Variants in MUC5B observed in about 807,000 individuals in gnomAD.
MUC5B encodes the protein mucin 5B, oligomeric mucus/gel-forming, also known as mucin-5B.
A neutral mutation model predicts 376.9 loss-of-function variants in MUC5B; 116 were observed. The observed-to-expected ratio is 0.31, with a 90% confidence interval of 0.26 to 0.36. The LOEUF is 0.36. Ranked by LOEUF, MUC5B falls within the 10% of genes least tolerant of loss-of-function variation. The probability of loss-of-function intolerance (pLI) is 1.00; values close to 1 mark genes in which losing one functional copy is unlikely to be tolerated. For missense variants in MUC5B, 7,165 were observed against 7,769.9 expected (o/e 0.92, Z 2.93); for synonymous variants, 3,517 against 3,390.9 (o/e 1.04, Z -1.29).
rs774536944 is a variant in MUC5B at position 1,257,617 on chromosome 11, G to T, written c.16357G>T (p.Ala5453Ser). 4.4e-6 allele frequency: 7 copies of T among 1,603,338 alleles called. No homozygotes were observed. Among genetic ancestry groups the T allele is most frequent in the Non-Finnish European group, 5.9e-6 (7 of 1,179,382 alleles). ...GCAGTGCAAGCCCCTGCCCTGTGAC[G>T]CCCAGGGTCAGCCCCCGCCGTGCAA... ...SVQCKPLPCD[A>S]QGQPPPCNRP... The change falls in exon 41 of 49, where the codon GCC becomes TCC. Residue 5453 changes from alanine (A) to serine (S), a missense_variant. Ala to Ser is a moderately conservative substitution (Grantham distance 99). Transcript: ENST00000529681. This position sits in a 1 kb window ranked among gnomAD's most constrained non-coding sequence, Gnocchi z 8.9.
At chr11:1,224,133 C>T (rs950350958) in intron 1 of MUC5B, among the ~76,000 whole-genome samples, 1 of 152,202 alleles carries the variant, frequency 6.6e-6, no homozygotes, top group South Asian at 2.1e-4. Context: ...CTGATTCTTC[C>T]GGGCCATGCA....
At position 1,234,576 on chromosome 11, in the gene MUC5B, G is replaced by A; in HGVS notation, c.2526G>A (p.Val842=). 1 of 1,579,886 alleles carries A rather than the reference G, an allele frequency of 6.3e-7. No homozygotes were observed. The highest frequency in any genetic ancestry group is 1.2e-5 in the South Asian group (1 of 85,984). The change falls in exon 21 of 49, where the codon GTG becomes GTA. Residue 842 remains valine, a synonymous_variant. Transcript: ENST00000529681. This position sits in a 1 kb window ranked among gnomAD's most constrained non-coding sequence, Gnocchi z 6.3. ...GCTGTGTCTGTCCCCCGGGGCTGGT[G>A]TCGGATGGGAGTGGGGGCTGCATTG... ...VSGCVCPPGL[V]SDGSGGCIAE...
At position 1,232,812 on chromosome 11, in the gene MUC5B, G is replaced by T. The variant is rs771717529; in HGVS notation, c.2065+42G>T. 5.2e-6 allele frequency: 8 copies of T among 1,536,586 alleles called. No homozygotes were observed. The East Asian group carries it at 1.9e-4, about 36-fold the overall frequency. On this transcript the variant is annotated intron_variant, in intron 17 of 48. Coordinates refer to ENST00000529681, the MANE Select transcript of MUC5B (RefSeq NM_002458.3). ...GGGGTGGGATGTGTCCACACCGCGT[G>T]GGGGTGCGGGGGACCCTGGCCGGCA...
rs778026558 is a variant in MUC5B, at chr11:1,251,522, C to A, written c.14642C>A (p.Thr4881Asn). The change falls in exon 31 of 49, where the codon ACC (threonine) becomes AAC (asparagine). Residue 4881 changes from threonine to asparagine, a missense_variant. Physicochemically the swap from Thr to Asn is moderately conservative, Grantham distance 65. Coordinates refer to ENST00000529681, the MANE Select transcript of MUC5B (RefSeq NM_002458.3). ...LGTAHTPKVV[T>N]TMATMPTATA... ...ACAGCTCACACCCCCAAAGTGGTGA[C>A]CACCATGGCCACTATGCCCACAGCC... is the stretch of plus-strand genomic sequence containing the variant. 1.8e-5 allele frequency: 28 copies of A among 1,589,548 alleles called. No homozygotes were observed. Among genetic ancestry groups the A allele is most frequent in the Non-Finnish European group, 2.2e-5 (26 of 1,164,200 alleles).
rs1205296971 is a variant in MUC5B, at chr11:1,260,745, C to T, written c.17069+17C>T. On this transcript the variant is annotated intron_variant, in intron 48 of 48. Transcript: ENST00000529681. ...AGCGTCCAAGTGAGTGGGCTCCTGG[C>T]CCTGTGCCAAGAGCACCTGCGTGTG... The T allele has an allele frequency of 2.5e-6, 4 of 1,583,754 alleles. No homozygotes were observed. The highest frequency in any genetic ancestry group is 2.6e-6 in the Non-Finnish European group (3 of 1,159,646).
rs1255936192 is a variant in MUC5B, at chr11:1,258,568, G to T, written c.16593+201G>T. 6.6e-6 allele frequency among the ~76,000 whole-genome samples: 1 copy of T among 152,160 alleles called. No individual in the cohort carries two copies. Among genetic ancestry groups the T allele is most frequent in the East Asian group, 1.9e-4 (1 of 5,198 alleles). On this transcript the variant is annotated intron_variant, in intron 43 of 48. Transcript: ENST00000529681. This position sits in a 1 kb window ranked among gnomAD's most constrained non-coding sequence, Gnocchi z 5.5. ...GTCGACAGCCATGAGCTCCACAACT[G>T]CTGCCTCTGAGAGGTCCCTTCAGGG...
chr11:1,246,406 C>T lies in MUC5B; in HGVS notation c.9526C>T (p.Pro3176Ser), dbSNP rs1862469601. 1.4e-5 allele frequency: 22 copies of T among 1,613,006 alleles called. No individual in the cohort carries two copies. The highest frequency in any genetic ancestry group is 1.7e-5 in the Non-Finnish European group (20 of 1,179,652). The change falls in exon 31 of 49, where the codon CCC (proline) becomes TCC (serine). Residue 3176 changes from proline to serine, a missense_variant. Physicochemically the swap from Pro to Ser is moderately conservative, Grantham distance 74 (BLOSUM62 -1). Around this residue, in one of 31 missense-constraint regions of MUC5B, gnomAD observed 939 missense variants for 770.6 expected, o/e 1.22. Coordinates refer to ENST00000529681, the MANE Select transcript of MUC5B (RefSeq NM_002458.3). Reference protein sequence around the residue: ...EPSTTATVTVPTGSTATASST... With the variant: ...EPSTTATVTVSTGSTATASST... ...CAGCACTACAGCCACCGTGACGGTG[C>T]CCACCGGATCCACGGCCACCGCCTC...
At position 1,239,562 on chromosome 11, in the gene MUC5B, G is replaced by A. The variant is rs746735261; in HGVS notation, c.3579G>A (p.Leu1193=). 6.4e-7 allele frequency: 1 copy of A among 1,567,072 alleles called. No individual in the cohort carries two copies. Among genetic ancestry groups the A allele is most frequent in the Non-Finnish European group, 8.7e-7 (1 of 1,152,534 alleles). Residue 1193 remains leucine, a synonymous_variant, in exon 27 of 49, where the codon CTG becomes CTA. Coordinates refer to ENST00000529681, the MANE Select transcript of MUC5B (RefSeq NM_002458.3). Reference sequence around the variant, plus strand: ...ACTGCCTGGTGGACCTGCCTGGCCTGGAAGGTGAGGGGCAGCCTTTCTTGG... The same window carrying A: ...ACTGCCTGGTGGACCTGCCTGGCCTAGAAGGTGAGGGGCAGCCTTTCTTGG... ...SGHCLVDLPG[L]EGCYPKCPPS...
Position 1,246,488 on chromosome 11 carries a change from C to G in MUC5B, c.9608C>G (p.Pro3203Arg). Reference protein sequence around the residue: ...LKVLTSTATTPTVISSRATPS... With the variant: ...LKVLTSTATTRTVISSRATPS... Reference sequence around the variant, plus strand: ...GTGCTGACCAGCACGGCCACCACACCCACAGTCATCAGCTCCAGAGCCACT... The same window carrying G: ...GTGCTGACCAGCACGGCCACCACACGCACAGTCATCAGCTCCAGAGCCACT... Residue 3203 changes from proline (P) to arginine (R), a missense_variant, in exon 31 of 49, where the codon CCC becomes CGC. This residue lies in a region of MUC5B where 939 missense variants were observed against 770.6 expected (regional missense o/e 1.22). Coordinates refer to ENST00000529681, the MANE Select transcript of MUC5B (RefSeq NM_002458.3). 6.2e-7 allele frequency: 1 copy of G among 1,613,416 alleles called. No homozygotes were observed. The highest frequency in any genetic ancestry group is 1.7e-5 in the Admixed American group (1 of 59,988).
In MUC5B at chr11:1,234,098, C is replaced by A; in HGVS notation, c.2378-107C>A. 1 of 971,766 alleles carries A rather than the reference C, an allele frequency of 1.0e-6. No homozygotes were observed. The highest frequency in any genetic ancestry group is 1.6e-6 in the Non-Finnish European group (1 of 633,844). The allele number at this position is 971,766 out of a possible 1,614,324, so 60.2% of individuals were successfully genotyped here. ...TGCAGGTGTCATGGAAGCTTTGGCT[C>A]GGGGGCTGTTAACTTGATCAGCAGG... On this transcript the variant is annotated intron_variant, in intron 19 of 48. Coordinates refer to ENST00000529681, the MANE Select transcript of MUC5B (RefSeq NM_002458.3). This position sits in a 1 kb window ranked among gnomAD's most constrained non-coding sequence, Gnocchi z 6.3.
At position 1,229,567 on chromosome 11, in the gene MUC5B, G is replaced by A. The variant is rs1037284112; in HGVS notation, c.1103-123G>A. On this transcript the variant is annotated intron_variant, in intron 9 of 48. Coordinates refer to ENST00000529681, the MANE Select transcript of MUC5B (RefSeq NM_002458.3). ...CATCCAAGCGAGTGCAGCTCAGGGC[G>A]GGGGCGGTGTCCTGGAGCAGGAATT... is the stretch of plus-strand genomic sequence containing the variant. 9.8e-5 allele frequency: 89 copies of A among 904,136 alleles called. 1 individual carries two copies. Among genetic ancestry groups the A allele is most frequent in the Middle Eastern group, 3.3e-4 (1 of 3,048 alleles). 56.0% of individuals were successfully genotyped at this position (904,136 alleles called of 1,614,324 possible).
chr11:1,229,765 C>T lies in MUC5B; in HGVS notation c.1178C>T (p.Thr393Ile), dbSNP rs1041182448. The change falls in exon 10 of 49, where the codon ACC becomes ATC. Residue 393 changes from threonine (T) to isoleucine (I), a missense_variant. Thr to Ile is a moderately conservative substitution (Grantham distance 89). Around this residue, in one of 31 missense-constraint regions of MUC5B, gnomAD observed 640 missense variants for 733.0 expected, o/e 0.87. Transcript: ENST00000529681. ...GQCPCTHGGRTYSPGTSFNTT... is the reference protein window; with the variant it reads ...GQCPCTHGGRIYSPGTSFNTT... ...TGCCCCTGCACCCACGGCGGCCGCA[C>T]CTACAGCCCGGGCACCTCCTTCAAC... 17 of 1,601,854 alleles carry T rather than the reference C, an allele frequency of 1.1e-5. No homozygotes were observed. The highest frequency in any genetic ancestry group is 1.4e-5 in the Non-Finnish European group (16 of 1,175,776).
chr11:1,256,483 T>G (rs1590192260), intron 38 of MUC5B, 188 bp from the exon 39 acceptor site: 17 of 45,224 alleles, frequency 3.8e-4, no homozygotes, highest in East Asian at 2.0e-3. Flanking sequence ...TCCCCGCCCA[T>G]ACTTAGCCCC....
rs1426805655 is a variant in MUC5B at position 1,253,808 on chromosome 11, C to T, written c.15218-284C>T. Among the ~76,000 whole-genome samples, 2 of 152,218 alleles carry T rather than the reference C, an allele frequency of 1.3e-5. No individual in the cohort carries two copies. The highest frequency in any genetic ancestry group is 2.9e-5 in the Non-Finnish European group (2 of 68,044). On this transcript the variant is annotated intron_variant, in intron 33 of 48. Coordinates refer to ENST00000529681, the MANE Select transcript of MUC5B (RefSeq NM_002458.3). The surrounding 1 kb of genome is among the most constrained non-coding windows in gnomAD (Gnocchi z 4.3). ...CTGGTCATTGGATTGAGGGCCCACCCAGCTAGTCCACGATGATGTCATTTC... is the reference window on the plus strand; with the variant it reads ...CTGGTCATTGGATTGAGGGCCCACCTAGCTAGTCCACGATGATGTCATTTC...
chr11:1,236,501 G>A lies in MUC5B; in HGVS notation c.2996G>A (p.Gly999Glu). Residue 999 changes from glycine (G) to glutamate (E), a missense_variant, in exon 24 of 49, where the codon GGG becomes GAG. Around this residue, in one of 31 missense-constraint regions of MUC5B, gnomAD observed 530 missense variants for 604.0 expected, o/e 0.88. Transcript: ENST00000529681. Reference protein sequence around the residue: ...MGIFLVIETHGMAVSWDRKTS... With the variant: ...MGIFLVIETHEMAVSWDRKTS... ...ATCTTCCTGGTCATCGAGACCCACG[G>A]GATGGCCGTGTCCTGGGACCGGAAG... 1.2e-6 allele frequency: 2 copies of A among 1,613,140 alleles called. No homozygotes were observed. The highest frequency in any genetic ancestry group is 1.7e-6 in the Non-Finnish European group (2 of 1,179,836).
chr11:1,260,646 A>G lies in MUC5B; in HGVS notation c.16987A>G (p.Asn5663Asp), dbSNP rs374469978. 5.0e-6 allele frequency: 8 copies of G among 1,612,596 alleles called. No individual in the cohort carries two copies. In the African/African-American group the frequency reaches 8.0e-5, roughly 16 times the overall value. Residue 5663 changes from asparagine (N) to aspartate (D), a missense_variant, in exon 48 of 49, where the codon AAC becomes GAC. Asn to Asp is a conservative substitution (Grantham distance 23). Coordinates refer to ENST00000529681, the MANE Select transcript of MUC5B (RefSeq NM_002458.3). The stretch of plus-strand genomic sequence containing the variant: ...CCCAGACTCCTGTCAAGTCCGCATC[A>G]ACACGACCATCCTGTGGCACCAGGG... ...CEEDSCQVRINTTILWHQGCE... is the reference protein window; with the variant it reads ...CEEDSCQVRIDTTILWHQGCE...
In MUC5B at chr11:1,256,752, C is replaced by T; in HGVS notation, c.16218C>T (p.Gly5406=). ...EDQILFNAHM[G]ICVQACPCVG... The stretch of plus-strand genomic sequence containing the variant: ...AGATCCTCTTCAACGCACACATGGG[C>T]ATCTGCGTGCAGGCCTGCCGTAAGC... The change falls in exon 39 of 49, where the codon GGC becomes GGT. Residue 5406 remains glycine (G), a synonymous_variant. Coordinates refer to ENST00000529681, the MANE Select transcript of MUC5B (RefSeq NM_002458.3). 1 of 1,542,544 alleles carries T rather than the reference C, an allele frequency of 6.5e-7. No homozygotes were observed. Among genetic ancestry groups the T allele is most frequent in the South Asian group, 1.2e-5 (1 of 82,584 alleles).
At chr11:1,255,357 T>G in intron 36 of MUC5B, 26 bp from the exon 37 acceptor site, 1 of 1,567,292 alleles carries the variant, frequency 6.4e-7, no homozygotes, top group Non-Finnish European at 8.7e-7. Context: ...CTGGGGGCCC[T>G]CCGTCCTGAT....
Position 1,239,466 on chromosome 11 carries a change from T to A in MUC5B, c.3483T>A (p.His1161Gln). The change falls in exon 27 of 49, where the codon CAT becomes CAA. Residue 1161 changes from histidine (H) to glutamine (Q), a missense_variant. Transcript: ENST00000529681. ...TGTTCTGTGACTTCTACAACCCACATGGGGGCTGTGAGTGGCACTACCAGC... is the reference window on the plus strand; with the variant it reads ...TGTTCTGTGACTTCTACAACCCACAAGGGGGCTGTGAGTGGCACTACCAGC... ...CPLFCDFYNP[H>Q]GGCEWHYQPC... 1 of 1,608,294 alleles carries A rather than the reference T, an allele frequency of 6.2e-7. No individual in the cohort carries two copies. Among genetic ancestry groups the A allele is most frequent in the Non-Finnish European group, 8.5e-7 (1 of 1,176,370 alleles).
Sources: gnomAD v4.1 joint callset for allele counts (sites outside exome capture counted in the v4.1 genomes callset) on GRCh38, gnomAD v4.1.1 for gene constraint, gnomAD v4.1.1 regional missense constraint, Gnocchi (gnomAD v3.1) non-coding constraint, MANE v1.5 for transcripts, NCBI Gene and HGNC (gene_info 2026-07-23, HGNC 2026-07-21) for gene names.